The following IRAK1BP1 variants were observed in gnomAD, a reference collection of about 807,000 sequenced individuals.
IRAK1BP1 encodes the protein interleukin 1 receptor associated kinase 1 binding protein 1.
In IRAK1BP1, 24 loss-of-function variants were observed where a neutral mutation model predicts 28.0. The ratio of observed to expected loss-of-function variants is 0.86; its 90% CI spans 0.62 to 1.20. The LOEUF (loss-of-function observed/expected upper bound fraction) is 1.20. Among genes scored for constraint, IRAK1BP1 ranks in the 50% most tolerant of loss-of-function variants. The probability of loss-of-function intolerance (pLI) is 0.00; values close to 1 mark genes in which losing one functional copy is unlikely to be tolerated. For synonymous variants in IRAK1BP1, 131 were observed against 116.3 expected (o/e 1.13, Z -0.81); for missense variants, 336 against 316.7 (o/e 1.06, Z -0.46).
intron 4 of IRAK1BP1, among the ~76,000 whole-genome samples, chr6:78,941,879 T>C (rs1175257094): frequency 6.6e-6 from 1 of 152,164 alleles, no homozygotes; most frequent in Non-Finnish European, 1.5e-5. Flanking sequence ...TAAAAGGCCA[T>C]TATGCTTCAT....
chr6:78,914,185 G>GA (rs540964384), intron 4 of IRAK1BP1, among the ~76,000 whole-genome samples: 3 of 150,808 alleles, frequency 2.0e-5, no homozygotes, highest in South Asian at 4.2e-4. Context: ...AAAGAACATT[G>GA]AAAAAAAAAT....
At chr6:78,931,844 A>G (rs1307300400) in intron 4 of IRAK1BP1, among the ~76,000 whole-genome samples, 1 of 152,190 alleles carries the variant, frequency 6.6e-6, no homozygotes, top group Admixed American at 6.5e-5. Flanking sequence ...ACACTGAAGT[A>G]TGCTGCATCC....
In IRAK1BP1 at chr6:78,897,941, G is replaced by T. The variant is rs145996586; in HGVS notation, c.494G>T (p.Gly165Val). The part of the protein sequence containing the change: ...ISPPQFYHTP[G>V]SVENLRRQAC... ...CCACCCCAGTTCTATCATACTCCAG[G>T]TTCTGTTGAGAATCTTCGGTAAGTT... The change falls in exon 3 of 4, where the codon GGT becomes GTT. Residue 165 changes from glycine (G) to valine (V), a missense_variant. Gly to Val is a moderately radical substitution (Grantham distance 109). Transcript: ENST00000369940. The T allele has an allele frequency of 1.9e-6, 3 of 1,613,806 alleles. No homozygotes were observed. In the African/African-American group the frequency reaches 4.0e-5, roughly 22 times the overall value.
intron 1 of IRAK1BP1, among the ~76,000 whole-genome samples, chr6:78,871,030 A>G (rs1268387846): frequency 6.6e-6 from 1 of 152,002 alleles, no homozygotes. Flanking sequence ...ACAATACTTT[A>G]TATTGTCTTA....
intron 4 of IRAK1BP1, chr6:78,935,497 G>T: frequency 1.0e-6 from 1 of 978,706 alleles, no homozygotes; most frequent in Non-Finnish European, 1.2e-6. Context: ...TATGCAAAGT[G>T]TTCCACTGAA....
At chr6:78,931,878 G>A (rs769520395) in intron 4 of IRAK1BP1, among the ~76,000 whole-genome samples, 7 of 152,116 alleles carry the variant, frequency 4.6e-5, no homozygotes. Context: ...TTTCGCAAAA[G>A]ATTTCTTTGT....
chr6:78,892,639 A>C (rs971198639), intron 2 of IRAK1BP1, among the ~76,000 whole-genome samples: 2 of 152,190 alleles, frequency 1.3e-5, no homozygotes, highest in African/African-American at 4.8e-5. Context: ...AGTGACACAG[A>C]TGTTAGAATT....
At chr6:78,876,904 T>A (rs944335592) in intron 1 of IRAK1BP1, among the ~76,000 whole-genome samples, 1 of 152,180 alleles carries the variant, frequency 6.6e-6, no homozygotes, top group African/African-American at 2.4e-5. Context: ...AAAAATCTCA[T>A]ACTCTGTGTT....
chr6:78,889,861 G>C (rs1771572162), intron 2 of IRAK1BP1, among the ~76,000 whole-genome samples: 1 of 152,088 alleles, frequency 6.6e-6, no homozygotes, highest in Non-Finnish European at 1.5e-5. Flanking sequence ...AGACAGTGTG[G>C]CAATTCCTCA....
chr6:78,974,289 T>C, the IRAK1BP1 span, among the ~76,000 whole-genome samples: 14 of 151,710 alleles, frequency 9.2e-5, no homozygotes, highest in South Asian at 1.3e-3. Context: ...GGGTACATAA[T>C]GAAATGAAGG....
chr6:78,914,593 T>TA (rs1461834322), intron 4 of IRAK1BP1, among the ~76,000 whole-genome samples: 1 of 152,216 alleles, frequency 6.6e-6, no homozygotes, highest in Non-Finnish European at 1.5e-5. Context: ...CTCTTTCTTT[T>TA]AAAAAATTAA....
chr6:78,924,632 C>T (rs1772837258), intron 4 of IRAK1BP1, among the ~76,000 whole-genome samples: 1 of 152,178 alleles, frequency 6.6e-6, no homozygotes, highest in South Asian at 2.1e-4. Flanking sequence ...GGATTTTAGA[C>T]CAATATCCCT....
At chr6:78,867,963 G>T in intron 1 of IRAK1BP1, 72 bp downstream of exon 1, 1 of 1,438,050 alleles carries the variant, frequency 7.0e-7, no homozygotes, top group Non-Finnish European at 9.3e-7. Context: ...GGGCCCCACA[G>T]GCCCCCCTAG....
intron 2 of IRAK1BP1, among the ~76,000 whole-genome samples, chr6:78,896,411 A>G (rs1771883923): frequency 6.6e-6 from 1 of 152,154 alleles, no homozygotes; most frequent in African/African-American, 2.4e-5. Context: ...AATATTATGC[A>G]ACAATGTGGA....
At chr6:78,907,754 C>G (rs1213728932), downstream of IRAK1BP1, among the ~76,000 whole-genome samples, 3 of 152,096 alleles carry the variant, frequency 2.0e-5, no homozygotes, top group South Asian at 4.1e-4. Flanking sequence ...GAGTCTCACT[C>G]TGTCACCCAG....
intron 4 of IRAK1BP1, among the ~76,000 whole-genome samples, chr6:78,921,881 A>G (rs1355537118): frequency 2.0e-5 from 3 of 152,200 alleles, no homozygotes; most frequent in African/African-American, 7.2e-5. Context: ...TTCGAAGGAA[A>G]ACTAACAAAC....
rs186727408 is a variant in IRAK1BP1 at position 78,888,762 on chromosome 6, C to T, written c.381+3319C>T. Among the ~76,000 whole-genome samples the T allele has an allele frequency of 6.3e-4, 96 of 152,136 alleles. 1 individual carries two copies. In the South Asian group the frequency reaches 7.9e-3, roughly 12 times the overall value. ...ACCTCAAGTGATCTGCCTGCCTTGA[C>T]CTCCCAACGTGCTAGGACTACAGAC... On this transcript the variant is annotated intron_variant, in intron 2 of 3. Transcript: ENST00000369940.
rs764357281 is a variant in IRAK1BP1 at position 78,883,757 on chromosome 6, A to G, written c.316-1621A>G. 8.5e-5 allele frequency among the ~76,000 whole-genome samples: 13 copies of G among 152,216 alleles called. No individual in the cohort carries two copies. The East Asian group carries it at 9.6e-4, about 11-fold the overall frequency. ...AAATGTAAAATTCCAGAAATAATCC[A>G]TAAGTTTAAAATTGTACACCATTCT... On this transcript the variant is annotated intron_variant, in intron 1 of 3. Coordinates refer to ENST00000369940, the MANE Select transcript of IRAK1BP1 (RefSeq NM_001010844.4).
intron 4 of IRAK1BP1, chr6:78,937,588 T>C (rs1405455838): frequency 2.0e-5 from 3 of 151,740 alleles, no homozygotes; most frequent in African/African-American, 7.2e-5. Context: ...CACATACTTA[T>C]TTACTTGGAT....
Sources: allele counts gnomAD v4.1 joint callset (sites outside exome capture counted in the v4.1 genomes callset), GRCh38; gene constraint gnomAD v4.1.1; transcripts MANE v1.5; gene names NCBI Gene and HGNC (gene_info 2026-07-23, HGNC 2026-07-21).